ATAD5: variants seen among roughly 807,000 people sequenced by gnomAD.
The protein encoded by ATAD5 is ATPase family AAA domain-containing protein 5.
In ATAD5, 58 loss-of-function variants were observed where a neutral mutation model predicts 176.9. The observed-to-expected ratio is 0.33, with a 90% CI of 0.27 to 0.41. The LOEUF is 0.41. Among genes scored for constraint, ATAD5 ranks in the 10% least tolerant of loss-of-function variants. ATAD5 has a pLI of 1.00. For synonymous variants in ATAD5, 640 were observed against 712.6 expected (o/e 0.90, Z 1.62); for missense variants, 1,789 against 2,094.1 (o/e 0.85, Z 2.84).
In ATAD5 at chr17:30,836,004, A is replaced by T. The variant is rs1905723005; in HGVS notation, c.1923A>T (p.Thr641=). 6.2e-7 allele frequency: 1 copy of T among 1,610,850 alleles called. No homozygotes were observed. Among genetic ancestry groups the T allele is most frequent in the Admixed American group, 1.7e-5 (1 of 59,078 alleles). Residue 641 remains threonine, a synonymous_variant, in exon 2 of 23, where the codon ACA becomes ACT. Coordinates refer to ENST00000321990, the MANE Select transcript of ATAD5 (RefSeq NM_024857.5). ...ANLSEKHSLY[T]AELITVPFDS... is the part of the protein sequence containing the mutation. Reference sequence around the variant, plus strand: ...TATCGGAAAAGCACAGCTTATATACAGCAGAATTAATAACAGTACCCTTTG... The same window carrying T: ...TATCGGAAAAGCACAGCTTATATACTGCAGAATTAATAACAGTACCCTTTG...
At chr17:30,893,175 G>T in intron 20 of ATAD5, 119 bp from the exon 21 acceptor site, 8 of 1,007,146 alleles carry the variant, frequency 7.9e-6, no homozygotes, top group Non-Finnish European at 1.1e-5. Context: ...ATAAAATTAT[G>T]AGGGGTAGTG....
chr17:30,844,074 A>T (rs551415263), intron 5 of ATAD5, 35 bp downstream of exon 5: 8 of 1,424,474 alleles, frequency 5.6e-6, no homozygotes, highest in Non-Finnish European at 7.5e-6. Flanking sequence ...GATGTATATT[A>T]GAATGTTTTG....
At chr17:30,870,020 G>A (rs1270839165) in intron 14 of ATAD5, among the ~76,000 whole-genome samples, 2 of 152,032 alleles carry the variant, frequency 1.3e-5, no homozygotes, top group Admixed American at 1.3e-4. Context: ...AAGTTGATGT[G>A]GGAGGTTCAC....
chr17:30,893,774 C>T lies in ATAD5; in HGVS notation c.4921C>T (p.Leu1641Phe), dbSNP rs765448431. The T allele has an allele frequency of 1.2e-6, 2 of 1,614,056 alleles. No individual in the cohort carries two copies. The highest frequency in any genetic ancestry group is 1.7e-6 in the Non-Finnish European group (2 of 1,179,964). ...AACTGCAGGAAAAAAATGTTCTGCC[C>T]TTGTTTCTCATTGTTTAAATTCTCT... Reference protein sequence around the residue: ...KTTAGKKCSALVSHCLNSLSE... With the variant: ...KTTAGKKCSAFVSHCLNSLSE... The change falls in exon 21 of 23, where the codon CTT becomes TTT. Residue 1641 changes from leucine to phenylalanine, a missense_variant. By Grantham distance (22) the Leu-to-Phe change is conservative. Around this residue, in one of 6 missense-constraint regions of ATAD5, gnomAD observed 403 missense variants for 495.1 expected, o/e 0.81. Transcript: ENST00000321990.
At chr17:30,849,726 T>G (rs1433628944) in intron 6 of ATAD5, among the ~76,000 whole-genome samples, 1 of 152,206 alleles carries the variant, frequency 6.6e-6, no homozygotes, top group African/African-American at 2.4e-5. Context: ...TACCTTGCCT[T>G]TTTATTTGTT....
Position 30,835,601 on chromosome 17 carries a change from T to C in ATAD5, c.1520T>C (p.Phe507Ser). 1 of 1,611,974 alleles carries C rather than the reference T, an allele frequency of 6.2e-7. No individual in the cohort carries two copies. Among genetic ancestry groups the C allele is most frequent in the South Asian group, 1.1e-5 (1 of 90,568 alleles). The change falls in exon 2 of 23, where the codon TTT (phenylalanine) becomes TCT (serine). Residue 507 changes from phenylalanine (F) to serine (S), a missense_variant. Phe to Ser is a radical substitution (Grantham distance 155, BLOSUM62 -2). Transcript: ENST00000321990. ...AACACTCAAAAGAAAGAAACAACCT[T>C]TTTCTTAAAAGAGAAACAATATCAA... Reference protein sequence around the residue: ...EGNTQKKETTFFLKEKQYQNR... With the variant: ...EGNTQKKETTSFLKEKQYQNR...
chr17:30,873,320 C>CT (rs775667412), intron 14 of ATAD5, among the ~76,000 whole-genome samples: 3,696 of 137,442 alleles, frequency 0.027, 145 homozygotes, highest in African/African-American at 0.078. Flanking sequence ...ATTTCTTTTT[C>CT]TTTTTTTTTT....
intron 9 of ATAD5, among the ~76,000 whole-genome samples, chr17:30,860,117 G>C (rs114803342): frequency 1.4e-4 from 21 of 152,124 alleles, no homozygotes; most frequent in African/African-American, 4.3e-4. Context: ...TCGATCTCCC[G>C]GGTTCATGTG....
At chr17:30,870,604 C>CATCA (rs1216521224) in intron 14 of ATAD5, among the ~76,000 whole-genome samples, 1 of 152,182 alleles carries the variant, frequency 6.6e-6, no homozygotes, top group African/African-American at 2.4e-5. Flanking sequence ...CACTATTCCT[C>CATCA]ATCAACTCTT....
rs760624928 is a variant in ATAD5, at chr17:30,834,280, A to G, written c.199A>G (p.Arg67Gly). The G allele has an allele frequency of 6.2e-7, 1 of 1,613,640 alleles. No individual in the cohort carries two copies. Among genetic ancestry groups the G allele is most frequent in the African/African-American group, 1.3e-5 (1 of 74,922 alleles). ...ACCTAGTAATATTCTGGATTATTTT[A>G]GAAAGACTTCACCCACAAATGAGAA... ...PKPSNILDYF[R>G]KTSPTNEKTQ... Residue 67 changes from arginine (R) to glycine (G), a missense_variant, in exon 2 of 23, where the codon AGA (arginine) becomes GGA (glycine). By Grantham distance (125) the Arg-to-Gly change is moderately radical (BLOSUM62 -2). This residue lies in a region of ATAD5 where 696 missense variants were observed against 712.5 expected (regional missense o/e 0.98). Transcript: ENST00000321990.
At chr17:30,854,063 C>T (rs1907140215) in intron 6 of ATAD5, among the ~76,000 whole-genome samples, 1 of 151,064 alleles carries the variant, frequency 6.6e-6, no homozygotes, top group South Asian at 2.1e-4. Context: ...AATTTCTTAA[C>T]ATGGGTAGAC....
intron 6 of ATAD5, among the ~76,000 whole-genome samples, chr17:30,850,823 TTA>T (rs200176707): frequency 0.2 from 11,977 of 60,414 alleles, 1,116 homozygotes; most frequent in South Asian, 0.36. Flanking sequence ...TTATTTATAT[TTA>T]TATATTTTTA....
Position 30,834,651 on chromosome 17 carries a change from A to T in ATAD5, c.570A>T (p.Lys190Asn). Residue 190 changes from lysine (K) to asparagine (N), a missense_variant, in exon 2 of 23, where the codon AAA (lysine) becomes AAT (asparagine). Physicochemically the swap from Lys to Asn is moderately conservative, Grantham distance 94. Around this residue, in one of 6 missense-constraint regions of ATAD5, gnomAD observed 696 missense variants for 712.5 expected, o/e 0.98. Transcript: ENST00000321990. ...TGACCTCCCTGCAAAATTCTAAAAA[A>T]GTAAATCCTAAACAAGGGACCACAA... is the stretch of plus-strand genomic sequence containing the variant. ...NTMTSLQNSKKVNPKQGTTKN... is the reference protein window; with the variant it reads ...NTMTSLQNSKNVNPKQGTTKN... 1 of 1,609,964 alleles carries T rather than the reference A, an allele frequency of 6.2e-7. No individual in the cohort carries two copies. The highest frequency in any genetic ancestry group is 8.5e-7 in the Non-Finnish European group (1 of 1,179,096).
intron 17 of ATAD5, 39 bp from the exon 18 acceptor site, chr17:30,879,384 T>C (rs1908875655): frequency 1.3e-6 from 2 of 1,590,436 alleles, no homozygotes; most frequent in Non-Finnish European, 1.7e-6. Flanking sequence ...GTCTTAGTGT[T>C]TAAGAATTTT....
rs151259960 is a variant in ATAD5 at position 30,893,616 on chromosome 17, A to C, written c.4763A>C (p.Gln1588Pro). The change falls in exon 21 of 23, where the codon CAA (glutamine) becomes CCA (proline). Residue 1588 changes from glutamine (Q) to proline (P), a missense_variant. This residue lies in a region of ATAD5 where 403 missense variants were observed against 495.1 expected (regional missense o/e 0.81). Transcript: ENST00000321990. Reference sequence around the variant, plus strand: ...GACACTGACTTGGACTTTCCTGATCAATCTATTAGCCTGTCCTCTGTATCA... The same window carrying C: ...GACACTGACTTGGACTTTCCTGATCCATCTATTAGCCTGTCCTCTGTATCA... ...LFDTDLDFPD[Q>P]SISLSSVSSS... The C allele has an allele frequency of 6.2e-7, 1 of 1,613,838 alleles. No individual in the cohort carries two copies. Among genetic ancestry groups the C allele is most frequent in the African/African-American group, 1.3e-5 (1 of 74,940 alleles).
chr17:30,866,339 AG>A (rs1213513495), intron 11 of ATAD5, among the ~76,000 whole-genome samples: 1 of 150,588 alleles, frequency 6.6e-6, no homozygotes, highest in African/African-American at 2.4e-5. Context: ...CTGGGACTAC[AG>A]GGGTGCACCG....
intron 4 of ATAD5, 50 bp downstream of exon 4, chr17:30,840,831 TTGGAG>T (rs1184321642): frequency 6.5e-7 from 1 of 1,527,388 alleles, no homozygotes; most frequent in African/African-American, 1.4e-5. Context: ...ATTTTGCTGT[TTGGAG>T]TGGGAGAAGG....
chr17:30,894,012 GTTC>G lies in ATAD5; in HGVS notation c.5164_5166del (p.Ser1722del), dbSNP rs1367084131. ...GCAGAAGCTCTCAGCTTTACTAAAT[GTTC>G]TTCTGCTATTTCAAAAGCATTGGAA... On this transcript the variant is annotated inframe_deletion, in exon 21 of 23. Transcript: ENST00000321990. 5.6e-6 allele frequency: 9 copies of G among 1,613,586 alleles called. No homozygotes were observed. Among genetic ancestry groups the G allele is most frequent in the South Asian group, 1.1e-5 (1 of 91,040 alleles).
chr17:30,863,664 C>CTTT (rs58611804), intron 10 of ATAD5, among the ~76,000 whole-genome samples: 9,522 of 107,122 alleles, frequency 0.089, 723 homozygotes, highest in South Asian at 0.2. Flanking sequence ...CCGCGTCCGG[C>CTTT]TTTTTTTTTT....
Sources: allele counts gnomAD v4.1 joint callset (sites outside exome capture counted in the v4.1 genomes callset), GRCh38; gene constraint gnomAD v4.1.1; regional missense constraint gnomAD v4.1.1; transcripts MANE v1.5; gene names NCBI Gene and HGNC (gene_info 2026-07-23, HGNC 2026-07-21).